Variants in PRELID2 observed in about 807,000 individuals in gnomAD.
PRELID2 encodes PRELI domain containing 2.
PRELID2 carries 25 observed loss-of-function variants against 28.4 expected under a neutral mutation model. That is an observed-to-expected ratio of 0.88 (90% CI 0.64 to 1.23). The LOEUF is 1.23. Among genes scored for constraint, PRELID2 ranks in the 50% most tolerant of loss-of-function variants. The pLI is 0.00. For missense variants in PRELID2, 201 were observed against 214.4 expected (o/e 0.94, Z 0.39); for synonymous variants, 76 against 71.6 (o/e 1.06, Z -0.31).
chr5:145,380,485 T>C, the PRELID2 span, among the ~76,000 whole-genome samples: 8 of 152,230 alleles, frequency 5.3e-5, no homozygotes, highest in Non-Finnish European at 8.8e-5. Context: ...CCATGTGGCA[T>C]GATTAACTTA....
chr5:145,817,978 A>G lies in PRELID2; in HGVS notation c.284T>C (p.Ile95Thr), dbSNP rs1754488505. Residue 95 changes from isoleucine (I) to threonine (T), a missense_variant, in exon 4 of 7, where the codon ATA (isoleucine) becomes ACA (threonine). Coordinates refer to ENST00000683046, the MANE Select transcript of PRELID2 (RefSeq NM_205846.3). ...TGTCCACGTAAGGCAGTGACTCCGT[A>G]TGGCCATGTTTCTTTCCCGAGGATT... ...WLNPRERNMAIRSHCLTWTQY... is the reference protein window; with the variant it reads ...WLNPRERNMATRSHCLTWTQY... The G allele has an allele frequency of 6.2e-7, 1 of 1,611,658 alleles. No individual in the cohort carries two copies. The highest frequency in any genetic ancestry group is 1.1e-5 in the South Asian group (1 of 90,676).
intron 1 of PRELID2, among the ~76,000 whole-genome samples, chr5:145,625,993 C>G: frequency 6.6e-6 from 1 of 152,114 alleles, no homozygotes; most frequent in East Asian, 1.9e-4. Context: ...AAGATTGAAA[C>G]TGGACCTCTA....
chr5:145,513,086 A>AG (rs1561497057), intron 1 of PRELID2, among the ~76,000 whole-genome samples: 2 of 152,074 alleles, frequency 1.3e-5, no homozygotes, highest in African/African-American at 4.8e-5. Flanking sequence ...TTCTCCTCCA[A>AG]AGGATCACGA....
the PRELID2 span, among the ~76,000 whole-genome samples, chr5:145,356,842 G>C: frequency 3.4e-3 from 514 of 152,140 alleles, 5 homozygotes; most frequent in African/African-American, 0.012. Context: ...GGTTGTTTTA[G>C]AGTGTCAATG....
rs370303876 is a variant in PRELID2 at position 145,813,137 on chromosome 5, C to T, written c.368+4757G>A. 1.6e-4 allele frequency among the ~76,000 whole-genome samples: 24 copies of T among 152,316 alleles called. No individual in the cohort carries two copies. The South Asian group carries it at 2.7e-3, about 17-fold the overall frequency. On this transcript the variant is annotated intron_variant, in intron 4 of 6. Coordinates refer to ENST00000683046, the MANE Select transcript of PRELID2 (RefSeq NM_205846.3). ...CTAGTCACACACCCACACCTGCTAA[C>T]CAACACACAGCTTGAAAGTCTAATT...
intron 5 of PRELID2, among the ~76,000 whole-genome samples, chr5:145,780,836 TAAGA>T (rs1313990480): frequency 4.6e-5 from 7 of 152,220 alleles, no homozygotes; most frequent in Admixed American, 2.6e-4. Context: ...TGGGACTCAA[TAAGA>T]AAGGAGTTAC....
chr5:145,620,909 T>A (rs1005928325), intron 1 of PRELID2, among the ~76,000 whole-genome samples: 3 of 152,190 alleles, frequency 2.0e-5, no homozygotes, highest in African/African-American at 7.2e-5. Flanking sequence ...GACATCTGAC[T>A]TCTCAAATGC....
At chr5:145,281,653 C>T in the PRELID2 span, among the ~76,000 whole-genome samples, 1 of 152,162 alleles carries the variant, frequency 6.6e-6, no homozygotes, top group Non-Finnish European at 1.5e-5. Flanking sequence ...ATGGAATGAG[C>T]AGAGATAACA....
At chr5:145,645,338 C>CTTT (rs35732947) in intron 1 of PRELID2, among the ~76,000 whole-genome samples, 54 of 47,848 alleles carry the variant, frequency 1.1e-3, no homozygotes, top group African/African-American at 2.4e-3. Context: ...GCAACTCCTG[C>CTTT]TTTTTTTTTT....
At chr5:145,511,762 T>C (rs79996882) in intron 1 of PRELID2, among the ~76,000 whole-genome samples, 3,320 of 152,308 alleles carry the variant, frequency 0.022, 126 homozygotes, top group African/African-American at 0.077. Context: ...TCCAGGAACT[T>C]TCTGAAGACC....
intron 1 of PRELID2, among the ~76,000 whole-genome samples, chr5:145,740,613 T>TA (rs2149736552): frequency 1.0e-4 from 1 of 9,764 alleles, no homozygotes; most frequent in African/African-American, 1.5e-4. Context: ...ATTATATATA[T>TA]AAATATATAT....
the PRELID2 span, among the ~76,000 whole-genome samples, chr5:145,341,482 G>C: frequency 6.6e-6 from 1 of 152,080 alleles, no homozygotes; most frequent in African/African-American, 2.4e-5. Context: ...GGAGATTGCA[G>C]TGAGCCAAGA....
intron 1 of PRELID2, among the ~76,000 whole-genome samples, chr5:145,727,625 C>T (rs796560512): frequency 1.3e-5 from 2 of 152,300 alleles, no homozygotes; most frequent in Admixed American, 6.5e-5. Context: ...GGAGACAGCA[C>T]AAGCACACAA....
chr5:145,422,806 G>A, the PRELID2 span, among the ~76,000 whole-genome samples: 2 of 151,192 alleles, frequency 1.3e-5, no homozygotes, highest in South Asian at 2.1e-4. Flanking sequence ...TTTGCTCATT[G>A]GTTGATGCAG....
chr5:145,599,976 A>C (rs1753365558), intron 1 of PRELID2, among the ~76,000 whole-genome samples: 1 of 152,200 alleles, frequency 6.6e-6, no homozygotes, highest in Non-Finnish European at 1.5e-5. Context: ...TTCAATAACA[A>C]AAACCAAAGA....
At chr5:145,777,263 T>A (rs1758468456) in intron 5 of PRELID2, among the ~76,000 whole-genome samples, 1 of 152,152 alleles carries the variant, frequency 6.6e-6, no homozygotes, top group Admixed American at 6.5e-5. Flanking sequence ...AGTGCAGCAG[T>A]TCAATTGTAG....
At chr5:145,673,971 C>T (rs1325780442) in intron 1 of PRELID2, among the ~76,000 whole-genome samples, 2 of 152,140 alleles carry the variant, frequency 1.3e-5, no homozygotes, top group Non-Finnish European at 2.9e-5. Context: ...TGGCAGTGCA[C>T]ACAAAGTTAA....
At chr5:145,747,001 T>C (rs1483183798) in intron 1 of PRELID2, among the ~76,000 whole-genome samples, 1 of 151,936 alleles carries the variant, frequency 6.6e-6, no homozygotes, top group Non-Finnish European at 1.5e-5. Flanking sequence ...AAAGAGACAA[T>C]GAACCAGAAT....
chr5:145,589,175 T>C (rs1471779664), intron 1 of PRELID2, among the ~76,000 whole-genome samples: 1 of 152,152 alleles, frequency 6.6e-6, no homozygotes, highest in Admixed American at 6.6e-5. Context: ...CATAACTGTA[T>C]TTTTGCATCA....
Sources: allele counts gnomAD v4.1 joint callset (sites outside exome capture counted in the v4.1 genomes callset), GRCh38; gene constraint gnomAD v4.1.1; transcripts MANE v1.5; gene names NCBI Gene and HGNC (gene_info 2026-07-23, HGNC 2026-07-21).